CTNNA2: variants seen among roughly 807,000 people sequenced by gnomAD.
CTNNA2 encodes catenin alpha 2.
In CTNNA2, 42 loss-of-function variants were observed where a neutral mutation model predicts 101.0. The observed-to-expected ratio is 0.42, with a 90% CI of 0.32 to 0.54. The LOEUF is 0.54. CTNNA2 is among the 20% of genes least tolerant of loss of function. The pLI is 0.14. For missense variants in CTNNA2, 871 were observed against 1,223.1 expected, an observed-to-expected ratio of 0.71 and a Z score of 4.29; for synonymous variants, 450 against 456.4, an observed-to-expected ratio of 0.99 and a Z score of 0.18.
chr2:80,095,739 T>C (rs1194801052), intron 7 of CTNNA2, among the ~76,000 whole-genome samples: 1 of 152,156 alleles, frequency 6.6e-6, no homozygotes, highest in South Asian at 2.1e-4. Flanking sequence ...TGGGAGGGTG[T>C]ATGTGTCGAG....
chr2:80,385,293 A>C (rs573749900), intron 7 of CTNNA2, among the ~76,000 whole-genome samples: 2 of 152,134 alleles, frequency 1.3e-5, no homozygotes, highest in Non-Finnish European at 2.9e-5. Context: ...TGATTATGTC[A>C]TGAGGGTGGA....
At position 80,232,345 on chromosome 2, in the gene CTNNA2, G is replaced by GTTTTTTTTTTTTTTT. The variant is rs61454985; in HGVS notation, c.1057-160837_1057-160823dup. ...GTTTTGTTTGTTTGTTTGTTTGTTT[G>GTTTTTTTTTTTTTTT]TTTTTTTTTTTTTTTTTTTTTTTTT... is the stretch of plus-strand genomic sequence containing the variant. On this transcript the variant is annotated intron_variant, in intron 7 of 18. Transcript: ENST00000402739. Among the ~76,000 whole-genome samples, 97 of 64,764 alleles carry GTTTTTTTTTTTTTTT rather than the reference G, an allele frequency of 1.5e-3. 2 individuals are homozygous for GTTTTTTTTTTTTTTT. Among genetic ancestry groups the GTTTTTTTTTTTTTTT allele is most frequent in the Non-Finnish European group, 1.9e-3 (75 of 38,914 alleles). 42.5% of individuals were successfully genotyped at this position (64,764 alleles called of 152,430 possible).
At chr2:80,129,658 C>CATAT (rs1033192458) in intron 7 of CTNNA2, among the ~76,000 whole-genome samples, 1 of 152,210 alleles carries the variant, frequency 6.6e-6, no homozygotes, top group East Asian at 1.9e-4. Context: ...AACTGGTACG[C>CATAT]ATATAAGATC....
intron 7 of CTNNA2, among the ~76,000 whole-genome samples, chr2:79,986,694 C>T (rs544767893): frequency 1.3e-5 from 2 of 152,128 alleles, no homozygotes; most frequent in South Asian, 2.1e-4. Flanking sequence ...ACTACTATTC[C>T]GTTCACCTTT....
chr2:80,466,446 G>A (rs550088180), intron 9 of CTNNA2, among the ~76,000 whole-genome samples: 4 of 152,184 alleles, frequency 2.6e-5, no homozygotes, highest in South Asian at 2.1e-4. Flanking sequence ...GGACAGTTAT[G>A]GATGACTTTC....
chr2:79,246,138 G>A (rs1403122627), intron 2 of CTNNA2, among the ~76,000 whole-genome samples: 1 of 152,186 alleles, frequency 6.6e-6, no homozygotes, highest in African/African-American at 2.4e-5. Flanking sequence ...TATGAATCTA[G>A]GGTCCTAATC....
chr2:80,145,279 C>G (rs1703262579), intron 7 of CTNNA2, among the ~76,000 whole-genome samples: 1 of 151,974 alleles, frequency 6.6e-6, no homozygotes. Context: ...TGAATTCTCC[C>G]TGGAAGGGTC....
chr2:79,660,288 CATATGTATATACATATGT>C (rs1323063810), intron 2 of CTNNA2, among the ~76,000 whole-genome samples: 4 of 148,224 alleles, frequency 2.7e-5, no homozygotes, highest in Non-Finnish European at 3.0e-5. Flanking sequence ...TATGTGTATC[CATATGTATATACATATGT>C]ATGTGTATAT....
intron 7 of CTNNA2, among the ~76,000 whole-genome samples, chr2:80,114,366 T>C (rs1057048353): frequency 6.6e-6 from 1 of 152,212 alleles, no homozygotes; most frequent in African/African-American, 2.4e-5. Flanking sequence ...AAAATATTCA[T>C]TTTTAAAACA....
intron 1 of CTNNA2, among the ~76,000 whole-genome samples, chr2:79,551,309 G>T (rs1674084385): frequency 6.6e-6 from 1 of 151,988 alleles, no homozygotes; most frequent in Non-Finnish European, 1.5e-5. Context: ...AAGAGGAAAT[G>T]GAAAAATGGG....
intron 7 of CTNNA2, among the ~76,000 whole-genome samples, chr2:79,961,033 T>A (rs1230489889): frequency 6.6e-6 from 1 of 152,226 alleles, no homozygotes; most frequent in African/African-American, 2.4e-5. Context: ...CTTAGATATT[T>A]CATTATGCGA....
Position 79,920,014 on chromosome 2 carries a change from C to T in CTNNA2, c.1056+10217C>T, listed in dbSNP as rs575960879. ...GGTGGATTACCTGAGGTCAGGAGTT[C>T]GAGACCAGCCTGACTAACATGGTGA... On this transcript the variant is annotated intron_variant, in intron 7 of 18. Transcript: ENST00000402739. 5.3e-5 allele frequency among the ~76,000 whole-genome samples: 8 copies of T among 151,728 alleles called. 1 individual carries two copies. The highest frequency in any genetic ancestry group is 1.4e-4 in the African/African-American group (6 of 41,438).
chr2:80,326,119 T>C (rs966423789), intron 7 of CTNNA2, among the ~76,000 whole-genome samples: 1 of 152,208 alleles, frequency 6.6e-6, no homozygotes, highest in South Asian at 2.1e-4. Flanking sequence ...GAAATACATA[T>C]TGAGGGAACT....
At chr2:79,466,050 G>C (rs909176693) in intron 4 of CTNNA2, among the ~76,000 whole-genome samples, 5 of 152,194 alleles carry the variant, frequency 3.3e-5, no homozygotes, top group Non-Finnish European at 5.9e-5. Flanking sequence ...AGGACAGTGG[G>C]TGCAGCCCAC....
intron 3 of CTNNA2, among the ~76,000 whole-genome samples, chr2:79,799,357 T>C (rs1024939653): frequency 1.3e-5 from 2 of 152,158 alleles, no homozygotes; most frequent in Admixed American, 1.3e-4. Context: ...TAATATAGAC[T>C]GTGATACAGA....
intron 8 of CTNNA2, among the ~76,000 whole-genome samples, chr2:80,395,270 C>A (rs1009397331): frequency 2.0e-5 from 3 of 152,074 alleles, no homozygotes; most frequent in Non-Finnish European, 2.9e-5. Context: ...TATTTCTTTC[C>A]TTACCTTTCT....
intron 7 of CTNNA2, among the ~76,000 whole-genome samples, chr2:80,295,027 C>A (rs1047368624): frequency 8.6e-5 from 13 of 151,986 alleles, no homozygotes; most frequent in African/African-American, 2.4e-4. Context: ...CTCTCTTTTT[C>A]TTTTTTCTTT....
chr2:80,164,082 A>G (rs1377341711), intron 7 of CTNNA2, among the ~76,000 whole-genome samples: 1 of 151,716 alleles, frequency 6.6e-6, no homozygotes, highest in Non-Finnish European at 1.5e-5. Context: ...ATATAGTTGG[A>G]TAATGGTTTT....
At chr2:79,799,376 C>T (rs1675981490) in intron 3 of CTNNA2, among the ~76,000 whole-genome samples, 1 of 151,984 alleles carries the variant, frequency 6.6e-6, no homozygotes, top group African/African-American at 2.4e-5. Context: ...GAGTTGGCCT[C>T]CACAGATGCA....
Sources: gnomAD v4.1 joint callset for allele counts (sites outside exome capture counted in the v4.1 genomes callset) on GRCh38, gnomAD v4.1.1 for gene constraint, MANE v1.5 for transcripts, NCBI Gene and HGNC (gene_info 2026-07-23, HGNC 2026-07-21) for gene names.